The following LAMP2 variants were observed in gnomAD, a reference collection of about 807,000 sequenced individuals.
LAMP2 encodes the protein lysosome-associated membrane glycoprotein 2.
A neutral mutation model predicts 25.6 loss-of-function variants in LAMP2; 4 were observed. The observed-to-expected ratio is 0.16, with a 90% CI of 0.08 to 0.36. The LOEUF is 0.36. Ranked by LOEUF, LAMP2 falls within the 10% of genes least tolerant of loss-of-function variation. The pLI is 1.00. For missense variants in LAMP2, 272 were observed against 301.4 expected (o/e 0.90, Z 0.72); for synonymous variants, 108 against 112.7 (o/e 0.96, Z 0.27).
At chrX:120,453,015 C>T (rs1174064907) in intron 3 of LAMP2, among the ~76,000 whole-genome samples, 1 of 110,871 alleles carries the variant, frequency 9.0e-6, no homozygotes, top group Admixed American at 9.7e-5. Context: ...CAAACAAAAA[C>T]GCAAACAACA....
In LAMP2 at chrX:120,431,394, C is replaced by A. The variant is rs372906565; in HGVS notation, c.1162G>T (p.Val388Leu). The change falls in exon 9 of 9, where the codon GTA becomes TTA. Residue 388 changes from valine (V) to leucine (L), a missense_variant. Val to Leu is a conservative substitution (Grantham distance 32). Coordinates refer to ENST00000200639, the MANE Select transcript of LAMP2 (RefSeq NM_002294.3). ...PIAVGAALAG[V>L]LILVLLAYFI... Reference sequence around the variant, plus strand: ...TAAGCCAGCAACACTAGAATAAGTACTCCTGCCAAGGCAGCTCCCACCGCT... The same window carrying A: ...TAAGCCAGCAACACTAGAATAAGTAATCCTGCCAAGGCAGCTCCCACCGCT... The A allele has an allele frequency of 2.1e-5, 25 of 1,209,230 alleles. No homozygotes were observed. The Admixed American group carries it at 5.0e-4, about 24-fold the overall frequency.
chrX:120,468,093 A>C (rs911866309), intron 1 of LAMP2, among the ~76,000 whole-genome samples: 2 of 111,476 alleles, frequency 1.8e-5, no homozygotes, highest in Non-Finnish European at 3.8e-5. Flanking sequence ...CCTGGTAACA[A>C]CCCAATCCTT....
intron 1 of LAMP2, among the ~76,000 whole-genome samples, chrX:120,460,481 T>C (rs1921271148): frequency 8.9e-6 from 1 of 112,025 alleles, no homozygotes; most frequent in African/African-American, 3.2e-5. Context: ...GTAACCATTA[T>C]CCTGATTTCT....
In LAMP2 at chrX:120,430,399, T is replaced by C. The variant is rs762796984; in HGVS notation, c.*924A>G. ...GAGATTGCTGTTAGCTTACATTTCA[T>C]AAGTACCACACTGATGACAACACTA... On this transcript the variant is annotated 3_prime_UTR_variant, in exon 9 of 9. Coordinates refer to ENST00000200639, the MANE Select transcript of LAMP2 (RefSeq NM_002294.3). 1.8e-4 allele frequency: 135 copies of C among 752,229 alleles called. No individual in the cohort carries two copies. The highest frequency in any genetic ancestry group is 2.0e-4 in the Non-Finnish European group (129 of 638,240). 62.0% of individuals were successfully genotyped at this position (752,229 alleles called of 1,213,427 possible).
In LAMP2 at chrX:120,442,648, T is replaced by C. The variant is rs2058578773; in HGVS notation, c.879A>G (p.Arg293=). 8.3e-7 allele frequency: 1 copy of C among 1,207,469 alleles called. No homozygotes were observed. Among genetic ancestry groups the C allele is most frequent in the Non-Finnish European group, 1.1e-6 (1 of 891,732 alleles). ...TGATGTTCACTTCCTTCAGATAAAA[T>C]CGGTTTTCATTTTTCTGTTTGAAAA... is the stretch of plus-strand genomic sequence containing the variant. ...DFVFAVKNEN[R]FYLKEVNISM... The change falls in exon 7 of 9, where the codon CGA becomes CGG. Residue 293 remains arginine, a synonymous_variant. Transcript: ENST00000200639.
At chrX:120,454,739 C>CT (rs757698961) in intron 3 of LAMP2, among the ~76,000 whole-genome samples, 1 of 109,346 alleles carries the variant, frequency 9.1e-6, no homozygotes, top group African/African-American at 3.3e-5. Context: ...AGCTCGCCCA[C>CT]TTACCAGACT....
intron 8 of LAMP2, among the ~76,000 whole-genome samples, chrX:120,439,603 TTGTA>T: frequency 9.1e-6 from 1 of 109,430 alleles, no homozygotes; most frequent in Non-Finnish European, 1.9e-5. Context: ...TATATGCACA[TTGTA>T]TATGTGTGCA....
chrX:120,430,502 A>AT lies in LAMP2; in HGVS notation c.*820dup, dbSNP rs1184651590. On this transcript the variant is annotated 3_prime_UTR_variant, in exon 9 of 9. Transcript: ENST00000200639. Reference sequence around the variant, plus strand: ...CAATCTGTCCTAATTAGTTCATAGAATATTTCTATCTTTCAATACTAATCA... The same window carrying AT: ...CAATCTGTCCTAATTAGTTCATAGAATTATTTCTATCTTTCAATACTAATCA... The AT allele has an allele frequency of 1.3e-6, 1 of 751,020 alleles. No individual in the cohort carries two copies. Among genetic ancestry groups the AT allele is most frequent in the African/African-American group, 2.3e-5 (1 of 43,958 alleles). 61.9% of individuals were successfully genotyped at this position (751,020 alleles called of 1,213,427 possible).
At chrX:120,434,927 G>A (rs1331860817) in intron 8 of LAMP2, among the ~76,000 whole-genome samples, 3 of 111,491 alleles carry the variant, frequency 2.7e-5, no homozygotes, top group Admixed American at 9.5e-5. Context: ...TCAGGAATTC[G>A]AGACCAGCCT....
At chrX:120,445,422 C>T (rs1195784918) in intron 6 of LAMP2, among the ~76,000 whole-genome samples, 1 of 112,597 alleles carries the variant, frequency 8.9e-6, no homozygotes, top group Non-Finnish European at 1.9e-5. Flanking sequence ...GAAATAACAA[C>T]ATACCTACTT....
chrX:120,444,054 AAAAG>A (rs773661160), intron 6 of LAMP2, among the ~76,000 whole-genome samples: 379 of 111,635 alleles, frequency 3.4e-3, no homozygotes, highest in African/African-American at 7.2e-3. Flanking sequence ...AAGAAAAAAG[AAAAG>A]AAAGAAAGAA....
intron 6 of LAMP2, among the ~76,000 whole-genome samples, chrX:120,444,046 G>A (rs1316643441): frequency 1.8e-5 from 2 of 109,322 alleles, no homozygotes; most frequent in African/African-American, 3.3e-5. Flanking sequence ...GAAAAGAAAA[G>A]AAAAAAGAAA....
chrX:120,466,294 A>C (rs1336112400), intron 1 of LAMP2, among the ~76,000 whole-genome samples: 1 of 112,648 alleles, frequency 8.9e-6, no homozygotes, highest in East Asian at 2.8e-4. Flanking sequence ...ATGACATGAA[A>C]GCCAACAAGT....
At chrX:120,444,167 G>A (rs1221064329) in intron 6 of LAMP2, among the ~76,000 whole-genome samples, 1 of 111,777 alleles carries the variant, frequency 8.9e-6, no homozygotes, top group African/African-American at 3.3e-5. Context: ...CAATCAGGCA[G>A]GAGCTGTTTG....
chrX:120,427,437 T>C lies in LAMP2; in HGVS notation c.*3886A>G, dbSNP rs2058503041. ...TTAGCAGTCCCTACAGGGATATAAG[T>C]CTATATCAAGATCAACAAATGTACA... On this transcript the variant is annotated 3_prime_UTR_variant, in exon 9 of 9. Coordinates refer to ENST00000200639, the MANE Select transcript of LAMP2 (RefSeq NM_002294.3). 1.8e-5 allele frequency among the ~76,000 whole-genome samples: 2 copies of C among 111,257 alleles called. No homozygotes were observed. Among genetic ancestry groups the C allele is most frequent in the African/African-American group, 6.5e-5 (2 of 30,592 alleles).
At position 120,427,912 on chromosome X, in the gene LAMP2, G is replaced by A. The variant is rs923532725; in HGVS notation, c.*3411C>T. 1 of 111,959 alleles carries A rather than the reference G, an allele frequency of 8.9e-6. No homozygotes were observed. Among genetic ancestry groups the A allele is most frequent in the Non-Finnish European group, 1.9e-5 (1 of 53,152 alleles). The allele number at this position is 111,959 out of a possible 1,213,427, so 9.2% of individuals were successfully genotyped here. ...AAATATAGTAGCTATTAACAGTAAT[G>A]AAGAAGACAGCCAAACTTTTGCTAT... On this transcript the variant is annotated 3_prime_UTR_variant, in exon 9 of 9. Transcript: ENST00000200639.
intron 1 of LAMP2, among the ~76,000 whole-genome samples, chrX:120,459,784 A>C (rs1225457692): frequency 2.7e-5 from 3 of 112,171 alleles, no homozygotes; most frequent in South Asian, 7.3e-4. Context: ...AAGAAACAGA[A>C]CATTAACAGG....
At chrX:120,462,599 T>G (rs1921366693) in intron 1 of LAMP2, among the ~76,000 whole-genome samples, 1 of 108,637 alleles carries the variant, frequency 9.2e-6, no homozygotes, top group African/African-American at 3.4e-5. Context: ...AGTGGCTAGG[T>G]TTTTGCAAGT....
intron 6 of LAMP2, among the ~76,000 whole-genome samples, chrX:120,445,565 A>T (rs923300563): frequency 1.8e-5 from 2 of 112,379 alleles, no homozygotes; most frequent in African/African-American, 6.5e-5. Flanking sequence ...ATTTTCCCTC[A>T]CTTACAGCTA....
Sources: gnomAD v4.1 joint callset for allele counts (sites outside exome capture counted in the v4.1 genomes callset) on GRCh38, gnomAD v4.1.1 for gene constraint, MANE v1.5 for transcripts, NCBI Gene and HGNC (gene_info 2026-07-23, HGNC 2026-07-21) for gene names.